Variants in COLEC12 observed in about 807,000 individuals in gnomAD.
COLEC12 encodes the protein collectin-12.
In COLEC12, 33 loss-of-function variants were observed where a neutral mutation model predicts 71.1. The ratio of observed to expected loss-of-function variants is 0.46; its 90% CI spans 0.35 to 0.62. COLEC12 has a LOEUF of 0.62. COLEC12 is among the 20% of genes least tolerant of loss of function. The pLI is 0.00. For missense variants in COLEC12, 765 were observed against 916.1 expected (o/e 0.84, Z 2.13); for synonymous variants, 350 against 353.0 (o/e 0.99, Z 0.10).
chr18:487,446 C>A (rs1194484402), intron 1 of COLEC12, among the ~76,000 whole-genome samples: 1 of 152,082 alleles, frequency 6.6e-6, no homozygotes, highest in Non-Finnish European at 1.5e-5. Context: ...GAATTGTACA[C>A]GTTAAGTGGA....
At position 347,139 on chromosome 18, in the gene COLEC12, A is replaced by G; in HGVS notation, c.483T>C (p.Ser161=). The G allele has an allele frequency of 6.2e-7, 1 of 1,614,224 alleles. No homozygotes were observed. The change falls in exon 5 of 10, where the codon TCT becomes TCC. Residue 161 remains serine, a synonymous_variant. Coordinates refer to ENST00000400256, the MANE Select transcript of COLEC12 (RefSeq NM_130386.3). ...TTTTGTTTACAGTGGTGATGAGGAAAGAGTTATTCTCCAAAGTTTCTTTCA... is the reference window on the plus strand; with the variant it reads ...TTTTGTTTACAGTGGTGATGAGGAAGGAGTTATTCTCCAAAGTTTCTTTCA... The part of the protein sequence containing the change: ...SQLKETLENN[S]FLITTVNKTL...
chr18:427,786 A>G (rs997141908), intron 2 of COLEC12, among the ~76,000 whole-genome samples: 6 of 152,222 alleles, frequency 3.9e-5, no homozygotes, highest in Admixed American at 1.3e-4. Context: ...TCCCAGGATG[A>G]AGGAGACCCT....
At chr18:390,391 G>C (rs144055100) in intron 2 of COLEC12, among the ~76,000 whole-genome samples, 323 of 152,340 alleles carry the variant, frequency 2.1e-3, no homozygotes, top group Middle Eastern at 6.8e-3. Flanking sequence ...TTCTGTTGTT[G>C]CTGTATGTTC....
At chr18:449,778 G>A (rs2170163) in intron 2 of COLEC12, among the ~76,000 whole-genome samples, 53,059 of 151,978 alleles carry the variant, frequency 0.35, 9,666 homozygotes, top group East Asian at 0.65. Context: ...GGGCCCTTCT[G>A]ACAGGCAATC....
At chr18:479,659 C>T (rs889917679) in intron 2 of COLEC12, among the ~76,000 whole-genome samples, 4 of 152,110 alleles carry the variant, frequency 2.6e-5, no homozygotes, top group African/African-American at 9.7e-5. Context: ...TGGGAAAATC[C>T]TCCAATCCCT....
intron 2 of COLEC12, among the ~76,000 whole-genome samples, chr18:427,357 G>A (rs1047915567): frequency 2.6e-5 from 4 of 151,174 alleles, no homozygotes; most frequent in Admixed American, 6.6e-5. Context: ...CCCAGCAAGC[G>A]AGGTGAGCGT....
intron 2 of COLEC12, among the ~76,000 whole-genome samples, chr18:373,922 G>T (rs539503735): frequency 4.6e-5 from 7 of 152,358 alleles, no homozygotes; most frequent in African/African-American, 1.7e-4. Flanking sequence ...GTTAAGTCAT[G>T]CTCTTTGCTC....
chr18:471,203 A>G (rs1346509059), intron 2 of COLEC12, among the ~76,000 whole-genome samples: 2 of 152,266 alleles, frequency 1.3e-5, no homozygotes, highest in Admixed American at 6.5e-5. Flanking sequence ...AAAAACCTAT[A>G]AAAGAATAAA....
chr18:454,938 G>C (rs937264803), intron 2 of COLEC12, among the ~76,000 whole-genome samples: 1 of 152,164 alleles, frequency 6.6e-6, no homozygotes. Flanking sequence ...GGCTAGAAAG[G>C]GCTTCCTATA....
intron 3 of COLEC12, among the ~76,000 whole-genome samples, chr18:349,870 CTA>C (rs919553339): frequency 3.3e-5 from 5 of 152,192 alleles, no homozygotes; most frequent in African/African-American, 1.2e-4. Flanking sequence ...TTTGGAAAGG[CTA>C]TATTTACCCA....
At chr18:369,401 T>TA (rs1914947006) in intron 2 of COLEC12, among the ~76,000 whole-genome samples, 1 of 132,400 alleles carries the variant, frequency 7.6e-6, no homozygotes, top group Non-Finnish European at 1.6e-5. Flanking sequence ...TTTTTTATTT[T>TA]TTTTTATTTT....
intron 2 of COLEC12, among the ~76,000 whole-genome samples, chr18:372,324 G>A (rs1339051231): frequency 1.3e-5 from 2 of 152,196 alleles, no homozygotes; most frequent in Non-Finnish European, 2.9e-5. Flanking sequence ...AGACAAAGCT[G>A]GGAGCAGGCA....
At chr18:390,760 C>T (rs372763643) in intron 2 of COLEC12, among the ~76,000 whole-genome samples, 25 of 151,074 alleles carry the variant, frequency 1.7e-4, no homozygotes, top group East Asian at 1.6e-3. Flanking sequence ...ACTCCGTCTC[C>T]GAAAAAAAAA....
At chr18:386,178 T>G (rs1402114577) in intron 2 of COLEC12, among the ~76,000 whole-genome samples, 1 of 152,210 alleles carries the variant, frequency 6.6e-6, no homozygotes, top group Non-Finnish European at 1.5e-5. Flanking sequence ...TTGAGCTTCC[T>G]GAGCTACAAA....
chr18:342,825 G>A (rs1051357476), intron 5 of COLEC12, among the ~76,000 whole-genome samples: 3 of 152,210 alleles, frequency 2.0e-5, no homozygotes, highest in African/African-American at 7.2e-5. Flanking sequence ...AGTGATAAAT[G>A]TGATAGTGTC....
chr18:480,191 A>G lies in COLEC12; in HGVS notation c.58+516T>C, dbSNP rs1159477487. On this transcript the variant is annotated intron_variant, in intron 2 of 9. Coordinates refer to ENST00000400256, the MANE Select transcript of COLEC12 (RefSeq NM_130386.3). The surrounding 1 kb of genome is among the most constrained non-coding windows in gnomAD (Gnocchi z 4.1). ...ACACCTACAAAGTCCTTTGTGCCAC[A>G]TAAGGTAACATTCAGGTTTCAGGAT... 6.6e-6 allele frequency among the ~76,000 whole-genome samples: 1 copy of G among 152,132 alleles called. No individual in the cohort carries two copies. Among genetic ancestry groups the G allele is most frequent in the Non-Finnish European group, 1.5e-5 (1 of 68,026 alleles).
intron 1 of COLEC12, among the ~76,000 whole-genome samples, chr18:491,170 C>A (rs1216758199): frequency 6.6e-6 from 1 of 152,206 alleles, no homozygotes. Context: ...CATCAGGACC[C>A]CTGAGTCTAC....
intron 2 of COLEC12, among the ~76,000 whole-genome samples, chr18:421,236 T>G (rs552448217): frequency 6.6e-6 from 1 of 152,298 alleles, no homozygotes; most frequent in South Asian, 2.1e-4. Flanking sequence ...ACCAAATATG[T>G]TTTACTAATA....
intron 2 of COLEC12, among the ~76,000 whole-genome samples, chr18:406,441 G>A (rs895583516): frequency 9.4e-5 from 14 of 149,120 alleles, no homozygotes; most frequent in East Asian, 4.0e-4. Context: ...CCCGGGAAGC[G>A]GAGCTTGCAG....
Sources: allele counts gnomAD v4.1 joint callset (sites outside exome capture counted in the v4.1 genomes callset), GRCh38; gene constraint gnomAD v4.1.1; non-coding constraint Gnocchi (gnomAD v3.1); transcripts MANE v1.5; gene names NCBI Gene and HGNC (gene_info 2026-07-23, HGNC 2026-07-21).